Variants in RALGPS2 observed in about 807,000 individuals in gnomAD.
RALGPS2 encodes the protein ras-specific guanine nucleotide-releasing factor RalGPS2.
RALGPS2 carries 43 observed loss-of-function variants against 86.8 expected under a neutral mutation model. The ratio of observed to expected loss-of-function variants is 0.50; its 90% CI spans 0.39 to 0.64. The LOEUF is 0.64. Ranked by LOEUF, RALGPS2 falls within the 30% of genes least tolerant of loss-of-function variation. RALGPS2 has a pLI of 0.00. For missense variants in RALGPS2, 536 were observed against 694.6 expected, an observed-to-expected ratio of 0.77 and a Z score of 2.57; for synonymous variants, 243 against 231.3, an observed-to-expected ratio of 1.05 and a Z score of -0.46.
intron 4 of RALGPS2, among the ~76,000 whole-genome samples, chr1:178,798,975 G>T (rs34181333): frequency 1.3e-5 from 2 of 152,090 alleles, no homozygotes; most frequent in Non-Finnish European, 2.9e-5. Context: ...AGCAGCAGCA[G>T]ACAGGCTCCC....
intron 4 of RALGPS2, among the ~76,000 whole-genome samples, chr1:178,804,293 A>G (rs6686626): frequency 0.06 from 7,491 of 123,822 alleles, 676 homozygotes; most frequent in African/African-American, 0.21. Context: ...ATTTATTATT[A>G]TACTTTAAGT....
intron 3 of RALGPS2, among the ~76,000 whole-genome samples, chr1:178,785,245 A>T (rs1653594308): frequency 6.6e-6 from 1 of 152,078 alleles, no homozygotes; most frequent in African/African-American, 2.4e-5. Flanking sequence ...CATCATAACA[A>T]GAACACTGCT....
At chr1:178,782,562 G>A (rs1448823334) in intron 2 of RALGPS2, among the ~76,000 whole-genome samples, 2 of 152,026 alleles carry the variant, frequency 1.3e-5, no homozygotes, top group Non-Finnish European at 1.5e-5. Context: ...GGACAGAGAA[G>A]CATTTGTGAA....
intron 1 of RALGPS2, among the ~76,000 whole-genome samples, chr1:178,737,800 T>C (rs1402637325): frequency 6.6e-6 from 1 of 152,110 alleles, no homozygotes; most frequent in Non-Finnish European, 1.5e-5. Context: ...CCTTTTGAGA[T>C]AGGGTCTCAC....
intron 8 of RALGPS2, among the ~76,000 whole-genome samples, chr1:178,861,450 G>GTT (rs547749109): frequency 1.4e-5 from 2 of 144,382 alleles, no homozygotes; most frequent in African/African-American, 2.5e-5. Context: ...GCATTCGTGG[G>GTT]TTTTTTTTTT....
At position 178,776,699 on chromosome 1, in the gene RALGPS2, C is replaced by T; in HGVS notation, c.-66C>T. 2 of 1,217,062 alleles carry T rather than the reference C, an allele frequency of 1.6e-6. No homozygotes were observed. Among genetic ancestry groups the T allele is most frequent in the Non-Finnish European group, 1.2e-6 (1 of 859,566 alleles). 75.4% of individuals were successfully genotyped at this position (1,217,062 alleles called of 1,614,324 possible). ...TTTTACAGGAATAATGTATTTGTGGCCTTGGACATGAGGCAGTCAGTCCTC... is the reference window on the plus strand; with the variant it reads ...TTTTACAGGAATAATGTATTTGTGGTCTTGGACATGAGGCAGTCAGTCCTC... On this transcript the variant is annotated 5_prime_UTR_variant, in exon 2 of 20. Coordinates refer to ENST00000367635, the MANE Select transcript of RALGPS2 (RefSeq NM_152663.5).
chr1:178,812,281 G>A (rs1655021062), intron 6 of RALGPS2, among the ~76,000 whole-genome samples: 1 of 152,178 alleles, frequency 6.6e-6, no homozygotes, highest in Admixed American at 6.5e-5. Flanking sequence ...AAGTTTCTCT[G>A]AGCTCTAGGG....
chr1:178,866,037 G>A (rs1211732838), intron 8 of RALGPS2, among the ~76,000 whole-genome samples: 1 of 152,062 alleles, frequency 6.6e-6, no homozygotes, highest in Non-Finnish European at 1.5e-5. Context: ...CCACCTTATT[G>A]TAATCCTTTT....
At chr1:178,840,194 A>G (rs1656520811) in intron 8 of RALGPS2, among the ~76,000 whole-genome samples, 3 of 152,230 alleles carry the variant, frequency 2.0e-5, no homozygotes, top group Admixed American at 2.0e-4. Flanking sequence ...TCAACAGAAT[A>G]TACATTCTTC....
chr1:178,847,706 G>A (rs1656933990), intron 8 of RALGPS2, among the ~76,000 whole-genome samples: 1 of 152,092 alleles, frequency 6.6e-6, no homozygotes, highest in East Asian at 1.9e-4. Flanking sequence ...ATTGTGGAAG[G>A]TTTATTCTGC....
chr1:178,788,818 C>T (rs903566446), intron 4 of RALGPS2, among the ~76,000 whole-genome samples: 1 of 141,932 alleles, frequency 7.0e-6, no homozygotes, highest in South Asian at 2.3e-4. Context: ...CTTTTCTTTT[C>T]TTTTCTTTTG....
intron 1 of RALGPS2, chr1:178,725,762 G>T (rs1260637472): frequency 1.3e-5 from 2 of 152,224 alleles, no homozygotes; most frequent in African/African-American, 2.4e-5. Context: ...GAAGCCCCCA[G>T]CCTCCGCCCG....
At chr1:178,865,787 G>A (rs575220046) in intron 8 of RALGPS2, 1 of 1,548,262 alleles carries the variant, frequency 6.5e-7, no homozygotes, top group East Asian at 2.3e-5. Flanking sequence ...TTTGAAATGA[G>A]GTTGTAAAAT....
chr1:178,750,176 G>A (rs1389426338), intron 1 of RALGPS2, among the ~76,000 whole-genome samples: 1 of 152,188 alleles, frequency 6.6e-6, no homozygotes, highest in Non-Finnish European at 1.5e-5. Flanking sequence ...CTAGGCGAGA[G>A]GTTGGCAAAC....
chr1:178,730,907 G>T lies in RALGPS2; in HGVS notation c.-84+5488G>T, dbSNP rs1321596709. ...GGAGAGACGGGGTTTCTCCATGTTG[G>T]TCAGGCTGGTCTCGACCCAACCTCA... On this transcript the variant is annotated intron_variant, in intron 1 of 19. Coordinates refer to ENST00000367635, the MANE Select transcript of RALGPS2 (RefSeq NM_152663.5). Among the ~76,000 whole-genome samples, 4 of 151,972 alleles carry T rather than the reference G, an allele frequency of 2.6e-5. No homozygotes were observed. The East Asian group carries it at 7.7e-4, about 29-fold the overall frequency.
intron 1 of RALGPS2, among the ~76,000 whole-genome samples, chr1:178,759,361 A>T (rs554114355): frequency 1.3e-5 from 2 of 152,118 alleles, no homozygotes; most frequent in Non-Finnish European, 2.9e-5. Context: ...TGTTCTTGGC[A>T]CCTTTGTTGA....
At chr1:178,762,903 A>C (rs1405922503) in intron 1 of RALGPS2, among the ~76,000 whole-genome samples, 1 of 151,948 alleles carries the variant, frequency 6.6e-6, no homozygotes, top group Non-Finnish European at 1.5e-5. Flanking sequence ...CTTTGTTATG[A>C]TATCTTTGCC....
At chr1:178,896,677 G>A (rs111453130) in intron 16 of RALGPS2, among the ~76,000 whole-genome samples, 2,788 of 141,674 alleles carry the variant, frequency 0.02, 69 homozygotes, top group African/African-American at 0.071. Flanking sequence ...TGATCTCATT[G>A]TTCAATTCCC....
At chr1:178,790,081 TG>T (rs1653878571) in intron 4 of RALGPS2, among the ~76,000 whole-genome samples, 1 of 152,096 alleles carries the variant, frequency 6.6e-6, no homozygotes, top group Non-Finnish European at 1.5e-5. Context: ...CCCAAGTAGC[TG>T]GGACCATACA....
Sources: allele counts gnomAD v4.1 joint callset (sites outside exome capture counted in the v4.1 genomes callset), GRCh38; gene constraint gnomAD v4.1.1; transcripts MANE v1.5; gene names NCBI Gene and HGNC (gene_info 2026-07-23, HGNC 2026-07-21).